The following FAM13A variants were observed in gnomAD, a reference collection of about 807,000 sequenced individuals.
FAM13A encodes the protein protein FAM13A.
FAM13A carries 76 observed loss-of-function variants against 129.6 expected under a neutral mutation model. The observed-to-expected ratio is 0.59, with a 90% CI of 0.49 to 0.71. The LOEUF (loss-of-function observed/expected upper bound fraction) is 0.71, where lower values mean the gene tolerates loss of function less well. FAM13A is among the 30% of genes least tolerant of loss of function. The pLI is 0.00. For synonymous variants in FAM13A, 443 were observed against 449.9 expected, an observed-to-expected ratio of 0.98 and a Z score of 0.20; for missense variants, 1,108 against 1,249.3, an observed-to-expected ratio of 0.89 and a Z score of 1.70.
At chr4:88,927,470 G>T (rs1752390090) in intron 5 of FAM13A, among the ~76,000 whole-genome samples, 1 of 134,238 alleles carries the variant, frequency 7.4e-6, no homozygotes. Context: ...GCTCTGGTGA[G>T]TCCATCTGGT....
intron 3 of FAM13A, among the ~76,000 whole-genome samples, chr4:88,995,103 C>A (rs1485604358): frequency 6.6e-6 from 1 of 151,498 alleles, no homozygotes; most frequent in Non-Finnish European, 1.5e-5. Flanking sequence ...CACACACACA[C>A]CCAAAATGTA....
chr4:88,753,710 C>A (rs564605817), intron 14 of FAM13A: 31 of 544,062 alleles, frequency 5.7e-5, no homozygotes, highest in Admixed American at 1.3e-4. Context: ...ACATGTAATA[C>A]ACAGTTCAGT....
intron 7 of FAM13A, among the ~76,000 whole-genome samples, chr4:88,812,229 T>C (rs1729777349): frequency 6.6e-6 from 1 of 152,278 alleles, no homozygotes; most frequent in Non-Finnish European, 1.5e-5. Context: ...AGACAATCTC[T>C]TACCTCCATA....
intron 1 of FAM13A, among the ~76,000 whole-genome samples, chr4:89,054,191 A>G (rs1288654919): frequency 6.6e-6 from 1 of 152,110 alleles, no homozygotes; most frequent in Non-Finnish European, 1.5e-5. Context: ...GAAATGAGGA[A>G]GATAAAGTAG....
intron 1 of FAM13A, among the ~76,000 whole-genome samples, chr4:89,030,440 A>G (rs1768536064): frequency 1.3e-5 from 2 of 152,198 alleles, no homozygotes; most frequent in Admixed American, 1.3e-4. Flanking sequence ...GTTATTATAT[A>G]TGTTAATAAA....
At chr4:89,010,747 C>G (rs141089431) in intron 3 of FAM13A, among the ~76,000 whole-genome samples, 1 of 152,234 alleles carries the variant, frequency 6.6e-6, no homozygotes, top group African/African-American at 2.4e-5. Flanking sequence ...TTCTGTGGAC[C>G]CCATCAAAGG....
intron 3 of FAM13A, among the ~76,000 whole-genome samples, chr4:89,016,349 A>G (rs1253705213): frequency 2.0e-5 from 3 of 152,184 alleles, no homozygotes; most frequent in Non-Finnish European, 4.4e-5. Flanking sequence ...ATGTTTTTAA[A>G]AGTTAAAAAG....
chr4:89,002,197 A>G (rs1457800733), intron 3 of FAM13A, among the ~76,000 whole-genome samples: 2 of 150,678 alleles, frequency 1.3e-5, no homozygotes, highest in African/African-American at 2.4e-5. Flanking sequence ...AAAAAAAAGA[A>G]CAGCAGAGGA....
At chr4:88,911,833 T>G (rs1348440723) in intron 5 of FAM13A, among the ~76,000 whole-genome samples, 1 of 152,232 alleles carries the variant, frequency 6.6e-6, no homozygotes, top group Non-Finnish European at 1.5e-5. Flanking sequence ...ACATCTCCCA[T>G]TAGCTATGGT....
intron 6 of FAM13A, among the ~76,000 whole-genome samples, chr4:88,901,656 T>C (rs1338162248): frequency 6.6e-6 from 1 of 152,028 alleles, no homozygotes; most frequent in Non-Finnish European, 1.5e-5. Flanking sequence ...GAGGGAAATT[T>C]ATAGCACTAA....
chr4:88,919,035 T>C (rs1750572216), intron 5 of FAM13A, among the ~76,000 whole-genome samples: 1 of 152,254 alleles, frequency 6.6e-6, no homozygotes, highest in African/African-American at 2.4e-5. Context: ...ACCAAGGTTT[T>C]ATAATCTTTT....
intron 14 of FAM13A, among the ~76,000 whole-genome samples, chr4:88,755,793 T>A (rs1399617824): frequency 6.6e-6 from 1 of 152,238 alleles, no homozygotes; most frequent in East Asian, 1.9e-4. Flanking sequence ...ATATGAAGTA[T>A]CTTATGCCCT....
chr4:88,837,861 T>C lies in FAM13A; in HGVS notation c.1007+13159A>G, dbSNP rs1049724900. ...AGATATAGCCCACATAAATGAAATT[T>C]CTTTGTGTTCTCAGTAACATTTAAG... is the stretch of plus-strand genomic sequence containing the variant. On this transcript the variant is annotated intron_variant, in intron 7 of 23. Transcript: ENST00000264344. Among the ~76,000 whole-genome samples the C allele has an allele frequency of 2.0e-5, 3 of 152,184 alleles. No individual in the cohort carries two copies. The East Asian group carries it at 5.8e-4, about 29-fold the overall frequency.
At chr4:88,923,561 T>G (rs941112840) in intron 5 of FAM13A, among the ~76,000 whole-genome samples, 1 of 152,058 alleles carries the variant, frequency 6.6e-6, no homozygotes, top group African/African-American at 2.4e-5. Context: ...CTCAAAATAA[T>G]AAGAGCTATT....
intron 21 of FAM13A, 100 bp downstream of exon 21, chr4:88,737,372 A>C: frequency 1.0e-6 from 1 of 1,003,808 alleles, no homozygotes; most frequent in Non-Finnish European, 1.6e-6. Flanking sequence ...AGCCACCACC[A>C]AAAGGCCCGA....
intron 5 of FAM13A, among the ~76,000 whole-genome samples, chr4:88,912,568 TACACACACACACACAC>T (rs71594867): frequency 7.0e-4 from 103 of 146,202 alleles, no homozygotes; most frequent in African/African-American, 2.5e-3. Flanking sequence ...CACACATACA[TACACACACACACACAC>T]ACACACACAC....
chr4:88,796,712 G>GT (rs34620682), intron 8 of FAM13A, among the ~76,000 whole-genome samples: 203 of 146,296 alleles, frequency 1.4e-3, no homozygotes, highest in Middle Eastern at 0.011. Flanking sequence ...GTTCAACTAG[G>GT]TTTTTTTTTT....
chr4:88,856,651 T>G (rs970664536), intron 6 of FAM13A, among the ~76,000 whole-genome samples: 3 of 152,252 alleles, frequency 2.0e-5, no homozygotes, highest in African/African-American at 7.2e-5. Flanking sequence ...TAAATGATTA[T>G]GAAAGATTGA....
At chr4:88,934,936 G>T (rs1256551006) in intron 5 of FAM13A, among the ~76,000 whole-genome samples, 1 of 152,208 alleles carries the variant, frequency 6.6e-6, no homozygotes, top group African/African-American at 2.4e-5. Context: ...ACTAGATCTA[G>T]TCAACATGGC....
Sources: allele counts gnomAD v4.1 joint callset (sites outside exome capture counted in the v4.1 genomes callset), GRCh38; gene constraint gnomAD v4.1.1; transcripts MANE v1.5; gene names NCBI Gene and HGNC (gene_info 2026-07-23, HGNC 2026-07-21).